The following DSC2 variants were observed in gnomAD, a reference collection of about 807,000 sequenced individuals.
DSC2 encodes desmocollin 2.
Under a neutral mutation model 87.6 loss-of-function variants are expected in DSC2, and 51 were observed. The ratio of observed to expected loss-of-function variants is 0.58; its 90% CI spans 0.46 to 0.74. DSC2 has a LOEUF of 0.74. DSC2 is among the 30% of genes least tolerant of loss of function. DSC2 has a pLI of 0.00. For synonymous variants in DSC2, 383 were observed against 393.2 expected, an observed-to-expected ratio of 0.97 and a Z score of 0.31; for missense variants, 1,066 against 1,089.5, an observed-to-expected ratio of 0.98 and a Z score of 0.30.
At chr18:31,096,458 C>T (rs1037428324) in intron 1 of DSC2, among the ~76,000 whole-genome samples, 7 of 152,144 alleles carry the variant, frequency 4.6e-5, no homozygotes, top group Non-Finnish European at 1.0e-4. Context: ...AGGATCCGCT[C>T]CACATTAATC....
rs1193951908 is a variant in DSC2 at position 31,080,255 on chromosome 18, C to T, written c.1361G>A (p.Ser454Asn). 2 of 1,614,044 alleles carry T rather than the reference C, an allele frequency of 1.2e-6. No individual in the cohort carries two copies. The highest frequency in any genetic ancestry group is 2.2e-5 in the East Asian group (1 of 44,862). Residue 454 changes from serine to asparagine, a missense_variant, in exon 10 of 16, where the codon AGC (serine) becomes AAC (asparagine). Coordinates refer to ENST00000280904, the MANE Select transcript of DSC2 (RefSeq NM_024422.6). ...TACATTAACAGTAACTGTTGCTGTG[C>T]TCATGGCTGATCTTGGACTAGCCTC... ...SREASPRSAM[S>N]TATVTVNVED... is the part of the protein sequence containing the mutation.
rs1349526002 is a variant in DSC2, at chr18:31,061,450, CAGTG to C, written c.*6561_*6564del. The C allele has an allele frequency of 6.6e-6, 1 of 152,222 alleles. No individual in the cohort carries two copies. The highest frequency in any genetic ancestry group is 1.5e-5 in the Non-Finnish European group (1 of 68,042). The allele number at this position is 152,222 out of a possible 1,614,324, so 9.4% of individuals were successfully genotyped here. A position where few individuals can be genotyped will look rare whatever the true frequency, so the allele number is the denominator to read the frequency against. The stretch of plus-strand genomic sequence containing the variant: ...ACTATCACTCCATACGGAGGCACAT[CAGTG>C]AGTATCTCTTCTTTAATCTCACGTA... On this transcript the variant is annotated 3_prime_UTR_variant, in exon 16 of 16. Transcript: ENST00000280904.
chr18:31,081,965 G>A (rs376810005), intron 9 of DSC2, among the ~76,000 whole-genome samples: 18 of 152,064 alleles, frequency 1.2e-4, no homozygotes, highest in Middle Eastern at 3.4e-3. Context: ...TGTCCCAGGG[G>A]CATCAAAGCT....
chr18:31,095,469 T>A (rs1433869425), intron 1 of DSC2, among the ~76,000 whole-genome samples: 1 of 151,904 alleles, frequency 6.6e-6, no homozygotes, highest in Admixed American at 6.5e-5. Flanking sequence ...ATGTGGAAAA[T>A]AGGTTATAGA....
intron 5 of DSC2, 78 bp from the exon 6 acceptor site, chr18:31,087,891 TA>T: frequency 6.8e-7 from 1 of 1,467,574 alleles, no homozygotes; most frequent in Non-Finnish European, 9.5e-7. Context: ...ATTTTGGCTT[TA>T]ACTTGGAGAC....
At chr18:31,101,623 A>T (rs1987959990) in intron 1 of DSC2, 1 of 419,714 alleles carries the variant, frequency 2.4e-6, no homozygotes, top group African/African-American at 2.1e-5. Context: ...AGGGGCCACG[A>T]TTTTGGCTGG....
chr18:31,064,306 G>A lies in DSC2; in HGVS notation c.*3709C>T, dbSNP rs1986562633. The A allele has an allele frequency of 6.6e-6, 1 of 152,126 alleles. No homozygotes were observed. The highest frequency in any genetic ancestry group is 1.5e-5 in the Non-Finnish European group (1 of 68,028). 9.4% of individuals were successfully genotyped at this position (152,126 alleles called of 1,614,324 possible). A position where few individuals can be genotyped will look rare whatever the true frequency, so the allele number is the denominator to read the frequency against. On this transcript the variant is annotated 3_prime_UTR_variant, in exon 16 of 16. Transcript: ENST00000280904. ...TGACTTGCATTCAAGTGTGTGGGTG[G>A]GGAGAGTGGCTGATTCATCTTGCAC... is the stretch of plus-strand genomic sequence containing the variant.
intron 12 of DSC2, 90 bp from the exon 13 acceptor site, chr18:31,071,931 T>C (rs989615497): frequency 8.5e-7 from 1 of 1,182,244 alleles, no homozygotes; most frequent in African/African-American, 1.5e-5. Context: ...AGTTATATTT[T>C]CCTAGAAACA....
Position 31,059,159 on chromosome 18 carries a change from TG to T in DSC2, c.*8855del, listed in dbSNP as rs1986453729. ...GTTGCATGGAGAATGCGATGCATTGTGCAAAGATTAACTGTGATTGTGTCTA... is the reference window on the plus strand; with the variant it reads ...GTTGCATGGAGAATGCGATGCATTGTCAAAGATTAACTGTGATTGTGTCTA... On this transcript the variant is annotated 3_prime_UTR_variant, in exon 16 of 16. Coordinates refer to ENST00000280904, the MANE Select transcript of DSC2 (RefSeq NM_024422.6). The T allele has an allele frequency of 6.6e-6, 1 of 152,170 alleles. No individual in the cohort carries two copies. The highest frequency in any genetic ancestry group is 2.4e-5 in the African/African-American group (1 of 41,448). 9.4% of individuals were successfully genotyped at this position (152,170 alleles called of 1,614,324 possible).
chr18:31,093,339 G>A (rs571135576), intron 2 of DSC2, among the ~76,000 whole-genome samples: 2 of 152,290 alleles, frequency 1.3e-5, no homozygotes, highest in African/African-American at 4.8e-5. Context: ...CCCACTCTGT[G>A]CCTACATGTT....
chr18:31,086,054 T>C (rs956845988), intron 7 of DSC2, among the ~76,000 whole-genome samples: 1 of 152,038 alleles, frequency 6.6e-6, no homozygotes, highest in South Asian at 2.1e-4. Flanking sequence ...AGAAAGAATA[T>C]ATAAATATCT....
chr18:31,086,568 T>G lies in DSC2; in HGVS notation c.942+8A>C, dbSNP rs1475176981. 6.2e-7 allele frequency: 1 copy of G among 1,614,132 alleles called. No individual in the cohort carries two copies. The highest frequency in any genetic ancestry group is 2.2e-5 in the East Asian group (1 of 44,874). On this transcript the variant is annotated splice_region_variant and intron_variant, in intron 7 of 15. Transcript: ENST00000280904. ...GTTATAATCAGGTTTTATTAATGTT[T>G]ATGTTACCTCTCTGTCTAGCTGAGA...
chr18:31,078,344 C>A (rs1037889212), intron 11 of DSC2, among the ~76,000 whole-genome samples: 3 of 152,122 alleles, frequency 2.0e-5, no homozygotes, highest in South Asian at 2.1e-4. Context: ...GAAATGAATG[C>A]GAACAGCCTC....
intron 14 of DSC2, among the ~76,000 whole-genome samples, chr18:31,070,058 T>C (rs1234292124): frequency 6.6e-6 from 1 of 152,232 alleles, no homozygotes; most frequent in Non-Finnish European, 1.5e-5. Flanking sequence ...GTTATTTATG[T>C]TGCATTTTTG....
chr18:31,083,009 A>C lies in DSC2; in HGVS notation c.994T>G (p.Tyr332Asp). The change falls in exon 8 of 16, where the codon TAT becomes GAT. Residue 332 changes from tyrosine to aspartate, a missense_variant. By Grantham distance (160) the Tyr-to-Asp change is radical. Transcript: ENST00000280904. ...GTTGAAGTTGTCTGTAGACCAAAAT[A>C]CTGACCATCCATGTCTTGTACTTTT... ...KIKVQDMDGQ[Y>D]FGLQTTSTCI... The C allele has an allele frequency of 6.2e-7, 1 of 1,613,428 alleles. No homozygotes were observed. The highest frequency in any genetic ancestry group is 1.3e-5 in the African/African-American group (1 of 75,030).
chr18:31,070,557 T>G (rs559941287), intron 14 of DSC2, among the ~76,000 whole-genome samples, 169 bp downstream of exon 14: 1 of 152,358 alleles, frequency 6.6e-6, no homozygotes, highest in South Asian at 2.1e-4. Flanking sequence ...AAATACCATA[T>G]ATCATCATGT....
At chr18:31,074,285 A>G (rs1248900766) in intron 12 of DSC2, among the ~76,000 whole-genome samples, 1 of 152,104 alleles carries the variant, frequency 6.6e-6, no homozygotes, top group Non-Finnish European at 1.5e-5. Flanking sequence ...CTTTCTGGAG[A>G]GCCAACCAGT....
Position 31,092,121 on chromosome 18 carries a change from A to T in DSC2, c.334T>A (p.Phe112Ile). ...ENQEKKKIFV[F>I]LEHQTKVLKK... is the part of the protein sequence containing the mutation. ...TATACCTTTGTTTGATGCTCCAAAA[A>T]GACAAATATTTTCTTCTTTTCTTGG... is the stretch of plus-strand genomic sequence containing the variant. Residue 112 changes from phenylalanine to isoleucine, a missense_variant, in exon 3 of 16, where the codon TTT becomes ATT. Coordinates refer to ENST00000280904, the MANE Select transcript of DSC2 (RefSeq NM_024422.6). The T allele has an allele frequency of 6.2e-7, 1 of 1,612,854 alleles. No individual in the cohort carries two copies. The highest frequency in any genetic ancestry group is 8.5e-7 in the Non-Finnish European group (1 of 1,179,362).
rs1283870161 is a variant in DSC2 at position 31,082,273 on chromosome 18, C to T, written c.1228G>A (p.Ala410Thr). ...ENGNFKIVTD[A>T]KTNEGVLCVV... ...CAAAGAACTCCTTCATTGGTTTTGG[C>T]ATCTGTTACAATTTTAAAATTGCCA... is the stretch of plus-strand genomic sequence containing the variant. Residue 410 changes from alanine to threonine, a missense_variant, in exon 9 of 16, where the codon GCC becomes ACC. Transcript: ENST00000280904. 6.2e-7 allele frequency: 1 copy of T among 1,613,574 alleles called. No homozygotes were observed. The highest frequency in any genetic ancestry group is 8.5e-7 in the Non-Finnish European group (1 of 1,179,860).
Sources: gnomAD v4.1 joint callset for allele counts (sites outside exome capture counted in the v4.1 genomes callset) on GRCh38, gnomAD v4.1.1 for gene constraint, MANE v1.5 for transcripts, NCBI Gene and HGNC (gene_info 2026-07-23, HGNC 2026-07-21) for gene names.